Variants in ANGPT2 observed in about 807,000 individuals in gnomAD.
ANGPT2 encodes angiopoietin 2.
ANGPT2 carries 28 observed loss-of-function variants against 62.9 expected under a neutral mutation model. That is an observed-to-expected ratio of 0.44 (90% confidence interval 0.33 to 0.61). ANGPT2 has a LOEUF of 0.61. Ranked by LOEUF, ANGPT2 falls within the 20% of genes least tolerant of loss-of-function variation. The probability of loss-of-function intolerance (pLI) is 0.03; values close to 1 mark genes in which losing one functional copy is unlikely to be tolerated. For missense variants in ANGPT2, 727 were observed against 594.9 expected (o/e 1.22, Z -2.31); for synonymous variants, 284 against 207.8 (o/e 1.37, Z -3.15).
chr8:6,519,095 C>G (rs1194705026), intron 5 of ANGPT2, among the ~76,000 whole-genome samples: 4 of 152,116 alleles, frequency 2.6e-5, no homozygotes, highest in Non-Finnish European at 5.9e-5. Context: ...GAAGTGAACT[C>G]CGCTGCTGGA....
At chr8:6,504,274 C>T (rs1292087376) in intron 8 of ANGPT2, among the ~76,000 whole-genome samples, 7 of 145,118 alleles carry the variant, frequency 4.8e-5, no homozygotes, top group Admixed American at 2.1e-4. Flanking sequence ...GCCGAGATCG[C>T]GCCACTGCAC....
Position 6,502,995 on chromosome 8 carries a change from G to A in ANGPT2, c.*106C>T, listed in dbSNP as rs1269883286. 5.2e-6 allele frequency: 7 copies of A among 1,354,450 alleles called. No homozygotes were observed. Among genetic ancestry groups the A allele is most frequent in the African/African-American group, 1.4e-5 (1 of 69,348 alleles). The allele number at this position is 1,354,450 out of a possible 1,614,324, so 83.9% of individuals were successfully genotyped here. Reference sequence around the variant, plus strand: ...TGGGTCCCGTCAGCACCGAGCACACGCCCTCTGTGGTGGAAGAGGACACAG... The same window carrying A: ...TGGGTCCCGTCAGCACCGAGCACACACCCTCTGTGGTGGAAGAGGACACAG... On this transcript the variant is annotated 3_prime_UTR_variant, in exon 9 of 9. Coordinates refer to ENST00000629816, the MANE Select transcript of ANGPT2 (RefSeq NM_001118887.2).
intron 1 of ANGPT2, among the ~76,000 whole-genome samples, chr8:6,540,584 G>A (rs1821357893): frequency 6.6e-6 from 1 of 152,320 alleles, no homozygotes; most frequent in Admixed American, 6.5e-5. Flanking sequence ...CAGTGCAACA[G>A]ACGTTGTCAG....
intron 1 of ANGPT2, among the ~76,000 whole-genome samples, chr8:6,535,128 C>G (rs1016343944): frequency 6.6e-6 from 1 of 152,160 alleles, no homozygotes; most frequent in Non-Finnish European, 1.5e-5. Flanking sequence ...AAGTCTTAAC[C>G]TCCTTCTTGA....
Position 6,509,042 on chromosome 8 carries a change from G to T in ANGPT2, c.1217C>A (p.Thr406Lys). The T allele has an allele frequency of 6.2e-7, 1 of 1,614,060 alleles. No individual in the cohort carries two copies. The highest frequency in any genetic ancestry group is 1.1e-5 in the South Asian group (1 of 91,070). ...GCTGCTTATTTTGCCGGCTGTCCCT[G>T]TAAGTCCTTTAAGGTGAATCCTGTA... ...LNYRIHLKGL[T>K]GTAGKISSIS... Residue 406 changes from threonine (T) to lysine (K), a missense_variant, in exon 8 of 9, where the codon ACA (threonine) becomes AAA (lysine). Physicochemically the swap from Thr to Lys is moderately conservative, Grantham distance 78. Transcript: ENST00000629816.
chr8:6,500,277 A>G lies in ANGPT2; in HGVS notation c.*2824T>C, dbSNP rs1233368906. The G allele has an allele frequency of 7.9e-6, 2 of 253,036 alleles. No homozygotes were observed. The highest frequency in any genetic ancestry group is 1.6e-5 in the Non-Finnish European group (2 of 127,800). The allele number at this position is 253,036 out of a possible 1,614,324, so 15.7% of individuals were successfully genotyped here. On this transcript the variant is annotated 3_prime_UTR_variant, in exon 9 of 9. Coordinates refer to ENST00000629816, the MANE Select transcript of ANGPT2 (RefSeq NM_001118887.2). ...GTTAATAGAAATAGAACTGATAGGT[A>G]TAAAGATTATGGCTTGCTGGTGCTG...
chr8:6,541,962 C>T (rs1821656760), intron 1 of ANGPT2, among the ~76,000 whole-genome samples: 1 of 149,208 alleles, frequency 6.7e-6, no homozygotes, highest in Non-Finnish European at 1.5e-5. Flanking sequence ...GAGCCGTGAT[C>T]GTGCCACTGC....
intron 1 of ANGPT2, among the ~76,000 whole-genome samples, chr8:6,548,241 A>C (rs1371664705): frequency 6.6e-6 from 1 of 152,158 alleles, no homozygotes; most frequent in African/African-American, 2.4e-5. Flanking sequence ...GGCTTTGTCC[A>C]AAATGCCTTT....
intron 1 of ANGPT2, among the ~76,000 whole-genome samples, chr8:6,534,060 A>T (rs1201981867): frequency 6.6e-6 from 1 of 152,030 alleles, no homozygotes; most frequent in East Asian, 1.9e-4. Context: ...CATGCCCCTC[A>T]GCCTGGTCAC....
At chr8:6,552,277 T>G (rs1028833178) in intron 1 of ANGPT2, among the ~76,000 whole-genome samples, 1 of 152,152 alleles carries the variant, frequency 6.6e-6, no homozygotes, top group Non-Finnish European at 1.5e-5. Flanking sequence ...CCTGAAGGGA[T>G]GAAATTACAT....
At chr8:6,518,958 C>A (rs892095524) in intron 5 of ANGPT2, among the ~76,000 whole-genome samples, 12 of 152,074 alleles carry the variant, frequency 7.9e-5, no homozygotes, top group African/African-American at 2.9e-4. Flanking sequence ...AAAGCACCTT[C>A]AGGAGTCAGG....
At chr8:6,535,085 A>G (rs1421647434) in intron 1 of ANGPT2, among the ~76,000 whole-genome samples, 1 of 152,226 alleles carries the variant, frequency 6.6e-6, no homozygotes, top group Non-Finnish European at 1.5e-5. Context: ...GCCCATACTC[A>G]GAAATAATAA....
At chr8:6,541,862 G>A (rs956406453) in intron 1 of ANGPT2, among the ~76,000 whole-genome samples, 3 of 151,986 alleles carry the variant, frequency 2.0e-5, no homozygotes, top group African/African-American at 7.3e-5. Context: ...TTAAAAATTA[G>A]CTGGACATGG....
chr8:6,516,585 G>T (rs1816315898), intron 5 of ANGPT2, among the ~76,000 whole-genome samples: 1 of 152,098 alleles, frequency 6.6e-6, no homozygotes. Flanking sequence ...TCAACAAAAT[G>T]GTCAGTGCTG....
chr8:6,534,652 A>T (rs928987024), intron 1 of ANGPT2, among the ~76,000 whole-genome samples: 5 of 152,176 alleles, frequency 3.3e-5, no homozygotes, highest in African/African-American at 4.8e-5. Context: ...TTAAAAATTT[A>T]AAAAAATAAA....
intron 1 of ANGPT2, 109 bp from the exon 2 acceptor site, chr8:6,532,596 AT>A: frequency 7.7e-6 from 6 of 775,578 alleles, no homozygotes; most frequent in Non-Finnish European, 1.1e-5. Flanking sequence ...AAAAAAATCT[AT>A]CAAAAGACTT....
chr8:6,548,938 T>C (rs555635253), intron 1 of ANGPT2, among the ~76,000 whole-genome samples: 1 of 152,342 alleles, frequency 6.6e-6, no homozygotes, highest in South Asian at 2.1e-4. Context: ...TAACCTCTGG[T>C]TATAACCTGG....
chr8:6,529,623 A>ATTT (rs35322987), intron 2 of ANGPT2, among the ~76,000 whole-genome samples: 5 of 120,956 alleles, frequency 4.1e-5, no homozygotes, highest in Admixed American at 8.8e-5. Context: ...CGCCTGGCTA[A>ATTT]TTTTTTTTTT....
chr8:6,503,230 G>T lies in ANGPT2; in HGVS notation c.1359C>A (p.Asn453Lys). 6.2e-7 allele frequency: 1 copy of T among 1,614,114 alleles called. No individual in the cohort carries two copies. Among genetic ancestry groups the T allele is most frequent in the Non-Finnish European group, 8.5e-7 (1 of 1,180,012 alleles). The change falls in exon 9 of 9, where the codon AAC becomes AAA. Residue 453 changes from asparagine to lysine, a missense_variant. Transcript: ENST00000629816. Reference sequence around the variant, plus strand: ...TCTGTGGATAGTACATTCCGTTCAAGTTGGAAGGACCACATGCATCAAACC... The same window carrying T: ...TCTGTGGATAGTACATTCCGTTCAATTTGGAAGGACCACATGCATCAAACC... ...GWWFDACGPS[N>K]LNGMYYPQRQ...
Sources: allele counts gnomAD v4.1 joint callset (sites outside exome capture counted in the v4.1 genomes callset), GRCh38; gene constraint gnomAD v4.1.1; transcripts MANE v1.5; gene names NCBI Gene and HGNC (gene_info 2026-07-23, HGNC 2026-07-21).